The following NRXN3 variants were observed in gnomAD, a reference collection of about 807,000 sequenced individuals.
The protein encoded by NRXN3 is neurexin 3.
In NRXN3, 32 loss-of-function variants were observed where a neutral mutation model predicts 137.6. That is an observed-to-expected ratio of 0.23 (90% CI 0.18 to 0.31). The LOEUF (loss-of-function observed/expected upper bound fraction) is 0.31. NRXN3 is among the 10% of genes least tolerant of loss of function. NRXN3 has a pLI of 1.00. For missense variants in NRXN3, 1,574 were observed against 2,062.5 expected (o/e 0.76, Z 4.59); for synonymous variants, 798 against 784.5 (o/e 1.02, Z -0.29).
chr14:78,204,738 A>C (rs1329311327), intron 1 of NRXN3, among the ~76,000 whole-genome samples: 1 of 152,242 alleles, frequency 6.6e-6, no homozygotes, highest in African/African-American at 2.4e-5. Context: ...TATTTTCAAA[A>C]ATTTCTAGCA....
intron 15 of NRXN3, among the ~76,000 whole-genome samples, chr14:79,451,166 GA>G (rs1343425509): frequency 7.1e-6 from 1 of 141,626 alleles, no homozygotes; most frequent in Non-Finnish European, 1.5e-5. Flanking sequence ...CATCAGGAGG[GA>G]ACAGAAAAAA....
chr14:79,788,084 G>C (rs926506911), intron 19 of NRXN3, among the ~76,000 whole-genome samples: 3 of 152,138 alleles, frequency 2.0e-5, no homozygotes, highest in South Asian at 2.1e-4. Flanking sequence ...TCACAATCAT[G>C]GTGGAAGACA....
intron 4 of NRXN3, among the ~76,000 whole-genome samples, chr14:78,485,401 G>C (rs1044404084): frequency 6.6e-6 from 1 of 152,108 alleles, no homozygotes; most frequent in Non-Finnish European, 1.5e-5. Flanking sequence ...AGGGCCCCAG[G>C]CTGTATGTCT....
At chr14:78,735,215 T>A (rs2098536157) in intron 8 of NRXN3, among the ~76,000 whole-genome samples, 1 of 152,150 alleles carries the variant, frequency 6.6e-6, no homozygotes, top group Non-Finnish European at 1.5e-5. Flanking sequence ...AGATTTTTAT[T>A]CAAAACAATT....
At chr14:78,789,246 C>A (rs918137250) in intron 8 of NRXN3, among the ~76,000 whole-genome samples, 7 of 152,202 alleles carry the variant, frequency 4.6e-5, no homozygotes, top group Admixed American at 4.6e-4. Flanking sequence ...AATATCTAAA[C>A]TTCCTAACTG....
At chr14:78,473,692 T>C (rs1264544039) in intron 4 of NRXN3, among the ~76,000 whole-genome samples, 1 of 152,204 alleles carries the variant, frequency 6.6e-6, no homozygotes, top group Non-Finnish European at 1.5e-5. Flanking sequence ...TCTGGGTGGT[T>C]CTGCCTTGAG....
chr14:79,227,228 C>G (rs976371968), intron 15 of NRXN3, among the ~76,000 whole-genome samples: 2 of 152,150 alleles, frequency 1.3e-5, no homozygotes, highest in African/African-American at 4.8e-5. Context: ...TGGCGTTGTT[C>G]TAGACACTGG....
chr14:78,479,749 A>T (rs1419982492), intron 4 of NRXN3, among the ~76,000 whole-genome samples: 2 of 152,290 alleles, frequency 1.3e-5, no homozygotes, highest in African/African-American at 4.8e-5. Context: ...GACCCTATGA[A>T]GGTTTTTGTA....
chr14:78,391,605 A>G (rs1443407610), intron 4 of NRXN3, among the ~76,000 whole-genome samples: 1 of 152,128 alleles, frequency 6.6e-6, no homozygotes, highest in Admixed American at 6.6e-5. Flanking sequence ...TGCACTCAGC[A>G]AGGTGCTATA....
chr14:79,478,970 T>C (rs1284666199), intron 16 of NRXN3, among the ~76,000 whole-genome samples: 3 of 152,202 alleles, frequency 2.0e-5, no homozygotes, highest in African/African-American at 4.8e-5. Context: ...GAGCTTCAGT[T>C]TGGAAAGGGC....
intron 15 of NRXN3, among the ~76,000 whole-genome samples, chr14:79,002,561 T>C (rs546040968): frequency 3.3e-5 from 5 of 152,336 alleles, no homozygotes; most frequent in South Asian, 2.1e-4. Context: ...TTCCTTTTTA[T>C]GGCTGCATAG....
intron 14 of NRXN3, 56 bp from the exon 15 acceptor site, chr14:78,987,966 A>G: frequency 6.4e-7 from 1 of 1,557,852 alleles, no homozygotes; most frequent in Non-Finnish European, 8.7e-7. Context: ...TCTAATTTTT[A>G]ACATTTCTTC....
rs79889025 is a variant in NRXN3 at position 79,356,026 on chromosome 14, C to G, written c.3263-111195C>G. 8.1e-3 allele frequency among the ~76,000 whole-genome samples: 1,228 copies of G among 152,104 alleles called. 25 individuals are homozygous for G. Among genetic ancestry groups the G allele is most frequent in the South Asian group, 0.08 (386 of 4,812 alleles). Reference sequence around the variant, plus strand: ...TCAATAATTATTAGAGTATTATTTGCGAAGTGTTCTGCTAATATTTTTCCT... The same window carrying G: ...TCAATAATTATTAGAGTATTATTTGGGAAGTGTTCTGCTAATATTTTTCCT... On this transcript the variant is annotated intron_variant, in intron 15 of 20. Coordinates refer to ENST00000335750, the MANE Select transcript of NRXN3 (RefSeq NM_001330195.2).
intron 16 of NRXN3, among the ~76,000 whole-genome samples, chr14:79,476,340 G>A (rs528763826): frequency 9.2e-5 from 14 of 152,116 alleles, no homozygotes; most frequent in East Asian, 3.9e-4. Flanking sequence ...AGATAGTACC[G>A]ACAGCCAGAC....
chr14:79,039,816 C>T (rs1233961570), intron 15 of NRXN3, among the ~76,000 whole-genome samples: 1 of 152,078 alleles, frequency 6.6e-6, no homozygotes. Context: ...TTCGGCCTTC[C>T]AAGTAGCTAG....
intron 4 of NRXN3, among the ~76,000 whole-genome samples, chr14:78,636,859 A>G (rs2097571941): frequency 6.6e-6 from 1 of 151,748 alleles, no homozygotes; most frequent in African/African-American, 2.4e-5. Context: ...TATCCGTCCT[A>G]TCTTAGAAAT....
intron 19 of NRXN3, among the ~76,000 whole-genome samples, chr14:79,710,373 T>G (rs999434651): frequency 2.0e-5 from 3 of 152,210 alleles, no homozygotes; most frequent in African/African-American, 7.2e-5. Flanking sequence ...TAAAAATCTA[T>G]TTATGTGTTG....
intron 16 of NRXN3, among the ~76,000 whole-genome samples, chr14:79,480,318 GT>G (rs1162045270): frequency 6.6e-6 from 1 of 152,088 alleles, no homozygotes; most frequent in African/African-American, 2.4e-5. Context: ...ACTGGAGCTG[GT>G]TTTTTTGCAT....
At chr14:78,319,392 T>C (rs1437631358) in intron 4 of NRXN3, among the ~76,000 whole-genome samples, 1 of 151,558 alleles carries the variant, frequency 6.6e-6, no homozygotes, top group Non-Finnish European at 1.5e-5. Flanking sequence ...ACATGGGGAG[T>C]AGCCTATAAT....
Sources: gnomAD v4.1 joint callset for allele counts (sites outside exome capture counted in the v4.1 genomes callset) on GRCh38, gnomAD v4.1.1 for gene constraint, MANE v1.5 for transcripts, NCBI Gene and HGNC (gene_info 2026-07-23, HGNC 2026-07-21) for gene names.